MSH6: variants seen among roughly 807,000 people sequenced by gnomAD.
MSH6 encodes mutS homolog 6, also known as DNA mismatch repair protein Msh6.
A neutral mutation model predicts 119.1 loss-of-function variants in MSH6; 85 were observed. That is an observed-to-expected ratio of 0.71 (90% CI 0.60 to 0.85). The LOEUF (loss-of-function observed/expected upper bound fraction) is 0.85, where lower values mean the gene tolerates loss of function less well. Among genes scored for constraint, MSH6 ranks in the 40% least tolerant of loss-of-function variants. The pLI, the probability that MSH6 is intolerant of heterozygous loss-of-function variation, is 0.00. For synonymous variants in MSH6, 830 were observed against 586.9 expected (o/e 1.41, Z -5.99); for missense variants, 2,163 against 1,655.3 (o/e 1.31, Z -5.32).
chr2:47,799,876 C>G lies in MSH6; in HGVS notation c.1893C>G (p.Ser631=), dbSNP rs1380346583. Residue 631 remains serine, a synonymous_variant, in exon 4 of 10, where the codon TCC becomes TCG. Coordinates refer to ENST00000234420, the MANE Select transcript of MSH6 (RefSeq NM_000179.3). ...CCGGCTCCCAGTTTTGGGATGCATC[C>G]AAAACTTTGAGAACTCTCCTTGAGG... ...LIPGSQFWDA[S]KTLRTLLEEE... The G allele has an allele frequency of 2.5e-6, 4 of 1,614,114 alleles. No individual in the cohort carries two copies. The South Asian group carries it at 3.3e-5, about 13-fold the overall frequency.
rs866793892 is a variant in MSH6, at chr2:47,803,509, T to C, written c.3262T>C (p.Phe1088Leu). The stretch of plus-strand genomic sequence containing the variant: ...TCTGTTGCCGGAAGATACCCCCCCC[T>C]TCTTAGAGCTTAAAGGATCACGCCA... ...VILLPEDTPP[F>L]LELKGSRHPC... Residue 1088 changes from phenylalanine to leucine, a missense_variant, in exon 5 of 10, where the codon TTC becomes CTC. Phe to Leu is a conservative substitution (Grantham distance 22). Coordinates refer to ENST00000234420, the MANE Select transcript of MSH6 (RefSeq NM_000179.3). 3.1e-6 allele frequency: 5 copies of C among 1,614,080 alleles called. No individual in the cohort carries two copies. The African/African-American group carries it at 4.0e-5, about 13-fold the overall frequency.
At chr2:47,804,060 G>A (rs572573564) in intron 5 of MSH6, among the ~76,000 whole-genome samples, 1 of 152,208 alleles carries the variant, frequency 6.6e-6, no homozygotes, top group East Asian at 1.9e-4. Context: ...ATGCAAATGA[G>A]GTAAGAAAGC....
At chr2:47,791,210 T>C (rs951580765) in intron 2 of MSH6, 87 bp downstream of exon 2, 2 of 1,284,260 alleles carry the variant, frequency 1.6e-6, no homozygotes, top group Non-Finnish European at 2.2e-6. Flanking sequence ...CTTTTTTCTA[T>C]ATGATGAAAT....
rs547340230 is a variant in MSH6, at chr2:47,804,120, T to C, written c.3438+435T>C. Among the ~76,000 whole-genome samples the C allele has an allele frequency of 1.3e-4, 20 of 152,022 alleles. No homozygotes were observed. In the South Asian group the frequency reaches 4.2e-3, roughly 32 times the overall value. ...ACTGTTGAAAACTGCTCTTTAGGGA[T>C]GACATGCTGGCCCTTTTTTTTTTGT... On this transcript the variant is annotated intron_variant, in intron 5 of 9. Coordinates refer to ENST00000234420, the MANE Select transcript of MSH6 (RefSeq NM_000179.3).
intron 7 of MSH6, 65 bp from the exon 8 acceptor site, chr2:47,806,139 G>C: frequency 8.2e-7 from 1 of 1,226,948 alleles, no homozygotes; most frequent in South Asian, 1.2e-5. Flanking sequence ...TAGCATTTTT[G>C]TTTTAATTCC....
chr2:47,795,543 G>A (rs535986087), intron 2 of MSH6, among the ~76,000 whole-genome samples: 2 of 148,976 alleles, frequency 1.3e-5, no homozygotes, highest in African/African-American at 5.0e-5. Flanking sequence ...TCGGCTCACT[G>A]CAACCTCTGC....
At chr2:47,788,923 T>TTTTTG (rs1668546453) in intron 1 of MSH6, among the ~76,000 whole-genome samples, 1 of 52,422 alleles carries the variant, frequency 1.9e-5, no homozygotes, top group African/African-American at 8.4e-5. Flanking sequence ...TTTTTTTTTG[T>TTTTTG]TTTTTTTTTT....
intron 1 of MSH6, among the ~76,000 whole-genome samples, chr2:47,786,551 C>T (rs370178197): frequency 6.4e-4 from 97 of 151,998 alleles, no homozygotes; most frequent in African/African-American, 2.2e-3. Context: ...TCAGGCCAGT[C>T]GTGAACTCCT....
chr2:47,793,757 G>A (rs1369860960), intron 2 of MSH6, among the ~76,000 whole-genome samples: 1 of 150,818 alleles, frequency 6.6e-6, no homozygotes, highest in Admixed American at 6.6e-5. Context: ...TTGCAGCGGA[G>A]TCCAGCTTTA....
chr2:47,788,922 G>GTTTTTTTTTTTTTTCTTTTTTTTTTTT (rs1668543631), intron 1 of MSH6, among the ~76,000 whole-genome samples: 1 of 40,932 alleles, frequency 2.4e-5, no homozygotes, highest in Non-Finnish European at 4.2e-5. Context: ...TTTTTTTTTT[G>GTTTTTTTTTTTTTTCTTTTTTTTTTTT]TTTTTTTTTT....
At chr2:47,805,983 A>C (rs931452725) in intron 7 of MSH6, among the ~76,000 whole-genome samples, 1 of 152,188 alleles carries the variant, frequency 6.6e-6, no homozygotes, top group Non-Finnish European at 1.5e-5. Context: ...GGACTCAGGA[A>C]GTTTATGACC....
At position 47,800,809 on chromosome 2, in the gene MSH6, T is replaced by C. The variant is rs1469062636; in HGVS notation, c.2826T>C (p.Ala942=). Residue 942 remains alanine, a synonymous_variant, in exon 4 of 10, where the codon GCT becomes GCC. Coordinates refer to ENST00000234420, the MANE Select transcript of MSH6 (RefSeq NM_000179.3). The part of the protein sequence containing the change: ...GFDSDYDQAL[A]DIRENEQSLL... ...ACTCTGATTATGACCAAGCTCTTGC[T>C]GACATAAGAGAAAATGAACAGAGCC... The C allele has an allele frequency of 6.2e-7, 1 of 1,614,078 alleles. No individual in the cohort carries two copies.
chr2:47,809,229 C>CT, downstream of MSH6: 1 of 1,604,344 alleles, frequency 6.2e-7, no homozygotes, highest in Non-Finnish European at 8.5e-7. Context: ...TACTAACAGC[C>CT]TTTTCTATGG....
At position 47,806,304 on chromosome 2, in the gene MSH6, C is replaced by T. The variant is rs1057520326; in HGVS notation, c.3747C>T (p.Tyr1249=). ...IKCRTLFSTH[Y]HSLVEDYSQN... The stretch of plus-strand genomic sequence containing the variant: ...GTCGTACATTATTTTCAACTCACTA[C>T]CATTCATTAGTAGAAGATTATTCTC... The change falls in exon 8 of 10, where the codon TAC becomes TAT. Residue 1249 remains tyrosine (Y), a synonymous_variant. Coordinates refer to ENST00000234420, the MANE Select transcript of MSH6 (RefSeq NM_000179.3). 6.2e-7 allele frequency: 1 copy of T among 1,614,034 alleles called. No homozygotes were observed. The highest frequency in any genetic ancestry group is 8.5e-7 in the Non-Finnish European group (1 of 1,179,904).
chr2:47,798,913 T>G lies in MSH6; in HGVS notation c.930T>G (p.Leu310=), dbSNP rs1456412042. The change falls in exon 4 of 10, where the codon CTT becomes CTG. Residue 310 remains leucine, a synonymous_variant. Transcript: ENST00000234420. ...GAATGGTGACTGGAAATGGCTCTCT[T>G]AAAAGGAAAAGCTCTAGGAAGGAAA... ...RKRMVTGNGS[L]KRKSSRKETP... is the part of the protein sequence containing the mutation. The G allele has an allele frequency of 6.8e-6, 11 of 1,613,940 alleles. No homozygotes were observed. Among genetic ancestry groups the G allele is most frequent in the Non-Finnish European group, 1.7e-6 (2 of 1,180,000 alleles).
At chr2:47,788,533 G>A (rs1346077623) in intron 1 of MSH6, among the ~76,000 whole-genome samples, 22 of 148,150 alleles carry the variant, frequency 1.5e-4, no homozygotes, top group Non-Finnish European at 2.2e-4. Flanking sequence ...GATTACAGGC[G>A]TGAGCCACCG....
chr2:47,800,940 C>A lies in MSH6; in HGVS notation c.2957C>A (p.Thr986Asn), dbSNP rs1558667371. The A allele has an allele frequency of 6.4e-7, 1 of 1,574,772 alleles. No individual in the cohort carries two copies. Among genetic ancestry groups the A allele is most frequent in the Non-Finnish European group, 8.6e-7 (1 of 1,161,884 alleles). The change falls in exon 4 of 10, where the codon ACC (threonine) becomes AAC (asparagine). Residue 986 changes from threonine to asparagine, a missense_variant. By Grantham distance (65) the Thr-to-Asn change is moderately conservative. Transcript: ENST00000234420. The part of the protein sequence containing the change: ...RYQLEIPENF[T>N]TRNLPEEYEL... Reference sequence around the variant, plus strand: ...CAGCTGGAAATTCCTGAGAATTTCACCACTCGCAATTTGCCAGAAGAATAC... The same window carrying A: ...CAGCTGGAAATTCCTGAGAATTTCAACACTCGCAATTTGCCAGAAGAATAC...
chr2:47,799,918 A>G lies in MSH6; in HGVS notation c.1935A>G (p.Glu645=), dbSNP rs779019430. The G allele has an allele frequency of 6.2e-7, 1 of 1,614,094 alleles. No homozygotes were observed. Among genetic ancestry groups the G allele is most frequent in the African/African-American group, 1.3e-5 (1 of 74,924 alleles). ...RTLLEEEYFR[E]KLSDGIGVML... ...TCCTTGAGGAAGAATATTTTAGGGA[A>G]AAGCTAAGTGATGGCATTGGGGTGA... is the stretch of plus-strand genomic sequence containing the variant. Residue 645 remains glutamate (E), a synonymous_variant, in exon 4 of 10, where the codon GAA becomes GAG. Transcript: ENST00000234420.
In MSH6 at chr2:47,805,653, G is replaced by A. The variant is rs1669962346; in HGVS notation, c.3592G>A (p.Ala1198Thr). ...STFFVELSET[A>T]SILMHATAHS... ...ATTTTTTGTTGAATTAAGTGAAACT[G>A]CCAGCATACTCATGCATGCAACAGC... The change falls in exon 7 of 10, where the codon GCC (alanine) becomes ACC (threonine). Residue 1198 changes from alanine to threonine, a missense_variant. Transcript: ENST00000234420. The A allele has an allele frequency of 6.2e-7, 1 of 1,612,704 alleles. No homozygotes were observed. The highest frequency in any genetic ancestry group is 8.5e-7 in the Non-Finnish European group (1 of 1,179,342).
Sources: allele counts gnomAD v4.1 joint callset (sites outside exome capture counted in the v4.1 genomes callset), GRCh38; gene constraint gnomAD v4.1.1; transcripts MANE v1.5; gene names NCBI Gene and HGNC (gene_info 2026-07-23, HGNC 2026-07-21).